Variants in MEIKIN observed in about 807,000 individuals in gnomAD.
MEIKIN encodes meiotic kinetochore factor.
chr5:131,936,816 C>T (rs1470259200), intron 4 of MEIKIN, among the ~76,000 whole-genome samples: 2 of 152,108 alleles, frequency 1.3e-5, no homozygotes, highest in African/African-American at 4.8e-5. Flanking sequence ...AGTAATCCTC[C>T]CACCTTGGCC....
intron 11 of MEIKIN, among the ~76,000 whole-genome samples, chr5:131,839,090 T>G (rs188002775): frequency 4.1e-4 from 63 of 152,362 alleles, no homozygotes; most frequent in Non-Finnish European, 7.2e-4. Flanking sequence ...TCTTGATTTC[T>G]GCCTTTATTT....
rs938526813 is a variant in MEIKIN, at chr5:131,944,735, G to C, written c.218C>G (p.Thr73Arg). The C allele has an allele frequency of 5.0e-6, 2 of 398,962 alleles. No individual in the cohort carries two copies. The highest frequency in any genetic ancestry group is 8.8e-6 in the Non-Finnish European group (2 of 226,092). The allele number at this position is 398,962 out of a possible 1,614,324, so 24.7% of individuals were successfully genotyped here. ...SGPFSPRLGVTGEKSLQENRS... is the reference protein window; with the variant it reads ...SGPFSPRLGVRGEKSLQENRS... ...ATTTTCTTGCAGGCTTTTCTCTCCT[G>C]TAACTCCTAAGCGAGGGCTAACAAA... The change falls in exon 3 of 13, where the codon ACA becomes AGA. Residue 73 changes from threonine (T) to arginine (R), a missense_variant. By Grantham distance (71) the Thr-to-Arg change is moderately conservative (BLOSUM62 -1). Coordinates refer to ENST00000442687, the MANE Select transcript of MEIKIN (RefSeq NM_001303622.2).
intron 4 of MEIKIN, among the ~76,000 whole-genome samples, chr5:131,942,067 GATC>G (rs756884902): frequency 1.3e-5 from 2 of 152,146 alleles, no homozygotes; most frequent in Non-Finnish European, 2.9e-5. Flanking sequence ...CAGCTAAAGT[GATC>G]ATATCATTCT....
chr5:131,877,988 C>T (rs1347993633), intron 9 of MEIKIN, among the ~76,000 whole-genome samples: 1 of 152,206 alleles, frequency 6.6e-6, no homozygotes, highest in Non-Finnish European at 1.5e-5. Context: ...CCATGATAGA[C>T]ATACCATCCG....
intron 11 of MEIKIN, among the ~76,000 whole-genome samples, chr5:131,841,322 C>A (rs796115195): frequency 5.9e-5 from 9 of 152,096 alleles, no homozygotes; most frequent in South Asian, 4.1e-4. Context: ...GCAATGGGAT[C>A]CATTCTCATT....
intron 8 of MEIKIN, among the ~76,000 whole-genome samples, chr5:131,883,424 G>A (rs1261791236): frequency 2.0e-5 from 3 of 152,196 alleles, no homozygotes; most frequent in African/African-American, 7.2e-5. Flanking sequence ...GTCTGAACAG[G>A]AGTTACTTGA....
At chr5:131,863,724 T>A (rs1406266223) in intron 9 of MEIKIN, among the ~76,000 whole-genome samples, 1 of 152,166 alleles carries the variant, frequency 6.6e-6, no homozygotes, top group Non-Finnish European at 1.5e-5. Flanking sequence ...GTAGCTTCCA[T>A]AATTCTCACA....
chr5:131,940,699 T>C (rs1000933414), intron 4 of MEIKIN, among the ~76,000 whole-genome samples: 5 of 152,146 alleles, frequency 3.3e-5, no homozygotes, highest in African/African-American at 1.2e-4. Context: ...GGAACCTGTA[T>C]TCTAGGTGGG....
chr5:131,807,574 G>A (rs944661414), intron 12 of MEIKIN, among the ~76,000 whole-genome samples: 2 of 152,182 alleles, frequency 1.3e-5, no homozygotes, highest in African/African-American at 4.8e-5. Flanking sequence ...TTGTAACCTG[G>A]AGCACTTGAT....
intron 8 of MEIKIN, among the ~76,000 whole-genome samples, chr5:131,898,494 T>C (rs1391983560): frequency 6.6e-6 from 1 of 152,240 alleles, no homozygotes; most frequent in African/African-American, 2.4e-5. Flanking sequence ...TGCAGAAGTT[T>C]CTGCTGCCTT....
chr5:131,865,617 A>AT (rs1750370084), intron 9 of MEIKIN, among the ~76,000 whole-genome samples: 1 of 152,146 alleles, frequency 6.6e-6, no homozygotes, highest in African/African-American at 2.4e-5. Context: ...GTGTCCTTAC[A>AT]TTGATATCTG....
intron 11 of MEIKIN, among the ~76,000 whole-genome samples, chr5:131,834,659 A>G (rs560622562): frequency 3.7e-4 from 56 of 152,258 alleles, no homozygotes; most frequent in Non-Finnish European, 6.0e-4. Context: ...TTCTTTTCTA[A>G]TAGCTGATTG....
intron 11 of MEIKIN, among the ~76,000 whole-genome samples, chr5:131,841,766 A>C (rs1023600150): frequency 5.9e-5 from 9 of 152,108 alleles, no homozygotes; most frequent in Non-Finnish European, 1.0e-4. Flanking sequence ...TTCTTTCATT[A>C]ATGTCTTATA....
chr5:131,944,150 T>C (rs189220598), intron 3 of MEIKIN, among the ~76,000 whole-genome samples: 113 of 150,214 alleles, frequency 7.5e-4, no homozygotes, highest in South Asian at 6.3e-3. Flanking sequence ...TGAAGTTTAA[T>C]GTTAATGTCA....
intron 8 of MEIKIN, among the ~76,000 whole-genome samples, chr5:131,907,305 A>C (rs1466444104): frequency 6.6e-6 from 1 of 152,020 alleles, no homozygotes; most frequent in Admixed American, 6.6e-5. Flanking sequence ...CCAAACCCAA[A>C]ATTAGTAGAA....
intron 11 of MEIKIN, among the ~76,000 whole-genome samples, chr5:131,845,699 G>A (rs530920176): frequency 6.6e-6 from 1 of 151,698 alleles, no homozygotes; most frequent in Admixed American, 6.6e-5. Flanking sequence ...GCAGGCAGAA[G>A]AATCTATAAA....
At chr5:131,865,405 G>T (rs1750366125) in intron 9 of MEIKIN, among the ~76,000 whole-genome samples, 1 of 152,108 alleles carries the variant, frequency 6.6e-6, no homozygotes, top group African/African-American at 2.4e-5. Flanking sequence ...ATTTTTAGTA[G>T]AGACAGGGTT....
chr5:131,935,057 C>T (rs1751751411), intron 4 of MEIKIN, among the ~76,000 whole-genome samples: 1 of 146,952 alleles, frequency 6.8e-6, no homozygotes, highest in South Asian at 2.1e-4. Context: ...GAGACTCCAT[C>T]CAAAAAAAAA....
chr5:131,809,411 T>C (rs1368448404), intron 12 of MEIKIN, among the ~76,000 whole-genome samples: 6 of 152,332 alleles, frequency 3.9e-5, no homozygotes, highest in Non-Finnish European at 5.9e-5. Context: ...TCAAAGACTA[T>C]ACACACTTAC....
Sources: allele counts gnomAD v4.1 joint callset (sites outside exome capture counted in the v4.1 genomes callset), GRCh38; gene constraint gnomAD v4.1.1; transcripts MANE v1.5; gene names NCBI Gene and HGNC (gene_info 2026-07-23, HGNC 2026-07-21).